SEC31A: variants seen among roughly 807,000 people sequenced by gnomAD.
The protein encoded by SEC31A is protein transport protein Sec31A.
SEC31A carries 70 observed loss-of-function variants against 151.0 expected under a neutral mutation model. The observed-to-expected ratio is 0.46, with a 90% CI of 0.38 to 0.57. SEC31A has a LOEUF of 0.57. SEC31A is among the 20% of genes least tolerant of loss of function. SEC31A has a pLI of 0.00. For synonymous variants in SEC31A, 475 were observed against 505.9 expected (o/e 0.94, Z 0.82); for missense variants, 1,330 against 1,471.2 (o/e 0.90, Z 1.57).
At chr4:82,826,346 T>G (rs1342736900) in intron 24 of SEC31A, among the ~76,000 whole-genome samples, 2 of 149,980 alleles carry the variant, frequency 1.3e-5, no homozygotes, top group East Asian at 3.9e-4. Flanking sequence ...TCCTTAGGCA[T>G]ATTATCTCTT....
rs1301197788 is a variant in SEC31A, at chr4:82,819,213, C to T, written c.3524G>A (p.Arg1175Lys). ...TGAGTAGTTTCGAGTTTCAATGCTC[C>T]TTGCAATGTTGTGTAAACCACTGGT... The part of the protein sequence containing the change: ...TITSGLHNIA[R>K]SIETRNYSEG... The change falls in exon 27 of 27, where the codon AGG becomes AAG. Residue 1175 changes from arginine (R) to lysine (K), a missense_variant. Transcript: ENST00000395310. 1 of 1,607,710 alleles carries T rather than the reference C, an allele frequency of 6.2e-7. No homozygotes were observed. The highest frequency in any genetic ancestry group is 8.5e-7 in the Non-Finnish European group (1 of 1,177,114).
At chr4:82,891,185 C>G, upstream of SEC31A, 1 of 1,534,318 alleles carries the variant, frequency 6.5e-7, no homozygotes, top group Non-Finnish European at 8.7e-7. Context: ...CCAGGGCCAC[C>G]TCCACGTTCC....
chr4:82,829,755 C>A (rs1051715374), intron 22 of SEC31A, among the ~76,000 whole-genome samples: 5 of 151,104 alleles, frequency 3.3e-5, no homozygotes, highest in Admixed American at 6.6e-5. Flanking sequence ...TAAAAAAAAA[C>A]ACATGCACAC....
chr4:82,888,077 A>AAC (rs1284230099), intron 1 of SEC31A, among the ~76,000 whole-genome samples: 70 of 148,338 alleles, frequency 4.7e-4, no homozygotes, highest in African/African-American at 1.7e-3. Flanking sequence ...AAACAACAAC[A>AAC]AAAAAAACAT....
chr4:82,831,841 A>G (rs1207564861), intron 22 of SEC31A, among the ~76,000 whole-genome samples: 1 of 152,212 alleles, frequency 6.6e-6, no homozygotes, highest in African/African-American at 2.4e-5. Flanking sequence ...ATACCTAGGA[A>G]TACAACTTAC....
At chr4:82,860,828 A>C (rs905047132) in intron 14 of SEC31A, among the ~76,000 whole-genome samples, 1 of 152,038 alleles carries the variant, frequency 6.6e-6, no homozygotes, top group Non-Finnish European at 1.5e-5. Flanking sequence ...TTCCCTTGTT[A>C]ATTAAACTCT....
intron 21 of SEC31A, among the ~76,000 whole-genome samples, chr4:82,843,413 GC>G (rs1387212924): frequency 2.6e-5 from 4 of 152,090 alleles, no homozygotes; most frequent in African/African-American, 9.7e-5. Flanking sequence ...TGCTGGGATT[GC>G]AGGCATGAAC....
intron 26 of SEC31A, among the ~76,000 whole-genome samples, chr4:82,820,661 T>C (rs983287198): frequency 1.3e-5 from 2 of 152,190 alleles, no homozygotes; most frequent in African/African-American, 2.4e-5. Context: ...TCTTAGACTA[T>C]GATAAAGATT....
intron 4 of SEC31A, chr4:82,877,995 C>T (rs1738401138): frequency 6.6e-6 from 1 of 152,078 alleles, no homozygotes; most frequent in Non-Finnish European, 1.5e-5. Context: ...CCAGCCATTA[C>T]ATTTAATTTC....
intron 1 of SEC31A, among the ~76,000 whole-genome samples, chr4:82,888,946 G>A (rs1239157809): frequency 6.6e-6 from 1 of 152,178 alleles, no homozygotes; most frequent in Non-Finnish European, 1.5e-5. Flanking sequence ...AAGTTAAAGA[G>A]GTAATAGAAT....
chr4:82,854,837 T>A, intron 17 of SEC31A, 66 bp downstream of exon 17: 1 of 1,386,698 alleles, frequency 7.2e-7, no homozygotes, highest in Non-Finnish European at 9.5e-7. Flanking sequence ...ATTTGTCATT[T>A]AAGTTTATTT....
intron 18 of SEC31A, 67 bp from the exon 19 acceptor site, chr4:82,851,671 T>C (rs748140307): frequency 5.9e-6 from 8 of 1,363,148 alleles, no homozygotes; most frequent in Non-Finnish European, 7.1e-6. Context: ...CAGGAAAAGA[T>C]CAAGAGTTAC....
At chr4:82,870,975 G>A (rs1006639614) in intron 7 of SEC31A, among the ~76,000 whole-genome samples, 6 of 152,026 alleles carry the variant, frequency 3.9e-5, no homozygotes, top group Admixed American at 6.5e-5. Context: ...TTGAGGCCAC[G>A]AGTTCAAGAC....
intron 10 of SEC31A, 92 bp downstream of exon 10, chr4:82,866,716 C>T: frequency 3.6e-6 from 4 of 1,123,596 alleles, no homozygotes; most frequent in East Asian, 2.7e-5. Flanking sequence ...CCAACTTAAA[C>T]CCTGATTGCT....
rs540251822 is a variant in SEC31A, at chr4:82,888,548, C to T, written c.-5+2540G>A. ...CTACTAAAAATACAAAAATTAGCTG[C>T]GCGTGATGGCGCGGCCAGTAGTCCC... On this transcript the variant is annotated intron_variant, in intron 1 of 26. Transcript: ENST00000395310. Among the ~76,000 whole-genome samples, 15 of 151,716 alleles carry T rather than the reference C, an allele frequency of 9.9e-5. No homozygotes were observed. In the South Asian group the frequency reaches 1.0e-3, roughly 11 times the overall value.
At chr4:82,891,003 C>G in intron 1 of SEC31A, 85 bp downstream of exon 1, 1 of 1,521,682 alleles carries the variant, frequency 6.6e-7, no homozygotes, top group Non-Finnish European at 8.8e-7. Context: ...AGCGGAGACC[C>G]AGGCTGCGGT....
intron 24 of SEC31A, among the ~76,000 whole-genome samples, chr4:82,826,605 G>A (rs1277000126): frequency 1.3e-5 from 2 of 152,160 alleles, no homozygotes; most frequent in Non-Finnish European, 2.9e-5. Flanking sequence ...CACCCGCCTC[G>A]GCTTCCCAAA....
intron 26 of SEC31A, among the ~76,000 whole-genome samples, chr4:82,820,412 T>C (rs1723078623): frequency 6.6e-6 from 1 of 152,198 alleles, no homozygotes; most frequent in Non-Finnish European, 1.5e-5. Flanking sequence ...AATGCTGAAA[T>C]GGAAAAAATA....
intron 7 of SEC31A, chr4:82,871,682 C>A: frequency 1.9e-6 from 1 of 525,936 alleles, no homozygotes; most frequent in Non-Finnish European, 3.3e-6. Flanking sequence ...TTTTATAAAA[C>A]TATAAAAATT....
Sources: gnomAD v4.1 joint callset for allele counts (sites outside exome capture counted in the v4.1 genomes callset) on GRCh38, gnomAD v4.1.1 for gene constraint, MANE v1.5 for transcripts, NCBI Gene and HGNC (gene_info 2026-07-23, HGNC 2026-07-21) for gene names.